Variants in DMTN observed in about 807,000 individuals in gnomAD.
DMTN encodes dematin.
In DMTN, 27 loss-of-function variants were observed where a neutral mutation model predicts 59.4. The observed-to-expected ratio is 0.45, with a 90% CI of 0.33 to 0.63. The LOEUF is 0.63. DMTN is among the 20% of genes least tolerant of loss of function. The pLI is 0.02. For synonymous variants in DMTN, 221 were observed against 203.7 expected (o/e 1.08, Z -0.72); for missense variants, 451 against 528.9 (o/e 0.85, Z 1.45).
intron 14 of DMTN, 21 bp from the exon 15 acceptor site, chr8:22,081,092 T>TTGGGGGGGGGGG: frequency 6.5e-7 from 1 of 1,547,316 alleles, no homozygotes; most frequent in South Asian, 1.1e-5. Flanking sequence ...AGCCTAAGAT[T>TTGGGGGGGGGGG]GCCCCTCCCC....
In DMTN at chr8:22,073,729, G is replaced by A; in HGVS notation, c.730-1G>A. Reference sequence around the variant, plus strand: ...CTCCATCTTCCTTTCTCCCTCCTCAGGTTACTTCCAACTTGGGAAAGATGA... The same window carrying A: ...CTCCATCTTCCTTTCTCCCTCCTCAAGTTACTTCCAACTTGGGAAAGATGA... On this transcript the variant is annotated splice_acceptor_variant, in intron 9 of 15. Transcript: ENST00000358242. LOFTEE classifies it high-confidence loss of function. 6.2e-7 allele frequency: 1 copy of A among 1,611,618 alleles called. No individual in the cohort carries two copies. The highest frequency in any genetic ancestry group is 8.5e-7 in the Non-Finnish European group (1 of 1,178,174).
In DMTN at chr8:22,072,508, A is replaced by G. The variant is rs1199055473; in HGVS notation, c.729+58A>G. 1.5e-4 allele frequency: 224 copies of G among 1,482,768 alleles called. 2 individuals are homozygous for G. The highest frequency in any genetic ancestry group is 1.0e-5 in the Non-Finnish European group (11 of 1,103,364). 91.9% of individuals were successfully genotyped at this position (1,482,768 alleles called of 1,614,324 possible). On this transcript the variant is annotated intron_variant, in intron 9 of 15. Coordinates refer to ENST00000358242, the MANE Select transcript of DMTN (RefSeq NM_001387751.1). ...GTGCAGGAGTCTCGCTCTGTTGCCC[A>G]GGCTGGCATGCAGTGGCATGATCTC...
At chr8:22,052,362 A>C (rs577559443), upstream of DMTN, among the ~76,000 whole-genome samples, 155 of 152,362 alleles carry the variant, frequency 1.0e-3, no homozygotes, top group Middle Eastern at 6.8e-3. Flanking sequence ...TTGAAGCCCT[A>C]GAAAGAAGTC....
intron 4 of DMTN, among the ~76,000 whole-genome samples, 177 bp downstream of exon 4, chr8:22,067,859 C>T (rs758374536): frequency 3.9e-5 from 6 of 152,212 alleles, no homozygotes; most frequent in Non-Finnish European, 7.3e-5. Flanking sequence ...GCAGGCAGAA[C>T]GGTCTCTGGG....
chr8:22,074,180 C>T (rs574920296), intron 10 of DMTN, among the ~76,000 whole-genome samples: 57 of 152,252 alleles, frequency 3.7e-4, no homozygotes, highest in Non-Finnish European at 6.6e-4. Context: ...GCAGTGTGGC[C>T]GGTATTGTGA....
chr8:22,060,156 T>A lies in DMTN; in HGVS notation c.-172+3020T>A, dbSNP rs940870035. ...CTCTGTGGTGCTCTCTCTTCCTCCC[T>A]CCCTCCCCTCTTCCTGCTGCAGCTC... On this transcript the variant is annotated intron_variant, in intron 1 of 15. Coordinates refer to ENST00000358242, the MANE Select transcript of DMTN (RefSeq NM_001387751.1). This position sits in a 1 kb window ranked among gnomAD's most constrained non-coding sequence, Gnocchi z 5.0. Among the ~76,000 whole-genome samples, 2 of 152,062 alleles carry A rather than the reference T, an allele frequency of 1.3e-5. No homozygotes were observed. Among genetic ancestry groups the A allele is most frequent in the African/African-American group, 2.4e-5 (1 of 41,384 alleles).
rs1472809903 is a variant in DMTN, at chr8:22,081,792, C to G, written c.*329C>G. ...GAATGAGGGGCATTGGTGGTTAGGC[C>G]GGTTGGCTGTCTTGAACAGCTGGAG... On this transcript the variant is annotated 3_prime_UTR_variant, in exon 16 of 16. Transcript: ENST00000358242. 1 of 502,568 alleles carries G rather than the reference C, an allele frequency of 2.0e-6. No individual in the cohort carries two copies. Among genetic ancestry groups the G allele is most frequent in the African/African-American group, 1.9e-5 (1 of 52,092 alleles). 31.1% of individuals were successfully genotyped at this position (502,568 alleles called of 1,614,324 possible). A position where few individuals can be genotyped will look rare whatever the true frequency, so the allele number is the denominator to read the frequency against.
At chr8:22,067,254 C>T in intron 3 of DMTN, 95 bp downstream of exon 3, 1 of 1,386,716 alleles carries the variant, frequency 7.2e-7, no homozygotes, top group Admixed American at 2.3e-5. Context: ...AGAGCCTCCC[C>T]AGTGGTGGTC....
upstream of DMTN, among the ~76,000 whole-genome samples, chr8:22,051,952 C>T (rs1259526318): frequency 6.6e-6 from 1 of 152,228 alleles, no homozygotes; most frequent in African/African-American, 2.4e-5. Context: ...CCTATTCGGC[C>T]CTAGCCCCAC....
At chr8:22,051,028 C>T (rs1801300192), upstream of DMTN, among the ~76,000 whole-genome samples, 1 of 152,192 alleles carries the variant, frequency 6.6e-6, no homozygotes, top group African/African-American at 2.4e-5. Flanking sequence ...AGGAAGGAGA[C>T]TTCCCCCAGG....
Position 22,081,101 on chromosome 8 carries a change from C to A in DMTN, c.1024-12C>A. The A allele has an allele frequency of 4.0e-6, 3 of 751,298 alleles. No homozygotes were observed. Among genetic ancestry groups the A allele is most frequent in the Non-Finnish European group, 6.7e-6 (3 of 450,376 alleles). The allele number at this position is 751,298 out of a possible 1,614,324, so 46.5% of individuals were successfully genotyped here. On this transcript the variant is annotated splice_polypyrimidine_tract_variant and intron_variant, in intron 14 of 15. Transcript: ENST00000358242. ...TCTGTGAGCCTAAGATTGCCCCTCC[C>A]CCCACCCCCAGATCTATCCCTATGA...
rs187472057 is a variant in DMTN, at chr8:22,075,013, C to G, written c.835+1178C>G. Among the ~76,000 whole-genome samples, 118 of 152,012 alleles carry G rather than the reference C, an allele frequency of 7.8e-4. No individual in the cohort carries two copies. In the East Asian group the frequency reaches 9.8e-3, roughly 13 times the overall value. On this transcript the variant is annotated intron_variant, in intron 10 of 15. Coordinates refer to ENST00000358242, the MANE Select transcript of DMTN (RefSeq NM_001387751.1). ...ACCAGCCTGACCAATATGGTAAAAC[C>G]CCGTCTCTCCTAAAAATACAAAAAT...
intron 10 of DMTN, among the ~76,000 whole-genome samples, chr8:22,076,042 A>C (rs1189420573): frequency 6.6e-6 from 1 of 152,118 alleles, no homozygotes; most frequent in Non-Finnish European, 1.5e-5. Context: ...TGGACGTGGG[A>C]GGTGCAAGAG....
At chr8:22,050,671 C>T (rs755816991), upstream of DMTN, among the ~76,000 whole-genome samples, 4 of 152,096 alleles carry the variant, frequency 2.6e-5, no homozygotes, top group Non-Finnish European at 5.9e-5. Flanking sequence ...GAGGGAGGGC[C>T]GCTCCAGAGG....
upstream of DMTN, among the ~76,000 whole-genome samples, chr8:22,049,888 G>A (rs1488506532): frequency 1.3e-5 from 2 of 152,196 alleles, no homozygotes; most frequent in Admixed American, 1.3e-4. Context: ...GAGAGAGGAA[G>A]TGGGGAAGGG....
rs1451220605 is a variant in DMTN, at chr8:22,081,809, C to T, written c.*346C>T. The T allele has an allele frequency of 2.0e-6, 1 of 488,358 alleles. No homozygotes were observed. Among genetic ancestry groups the T allele is most frequent in the Non-Finnish European group, 4.0e-6 (1 of 248,290 alleles). 30.3% of individuals were successfully genotyped at this position (488,358 alleles called of 1,614,324 possible). A position where few individuals can be genotyped will look rare whatever the true frequency, so the allele number is the denominator to read the frequency against. On this transcript the variant is annotated 3_prime_UTR_variant, in exon 16 of 16. Coordinates refer to ENST00000358242, the MANE Select transcript of DMTN (RefSeq NM_001387751.1). ...GGTTAGGCCGGTTGGCTGTCTTGAACAGCTGGAGGGAAGATGCAGGGGTGG... is the reference window on the plus strand; with the variant it reads ...GGTTAGGCCGGTTGGCTGTCTTGAATAGCTGGAGGGAAGATGCAGGGGTGG...
At chr8:22,079,882 G>A (rs916475721) in intron 10 of DMTN, among the ~76,000 whole-genome samples, 1 of 152,002 alleles carries the variant, frequency 6.6e-6, no homozygotes, top group Non-Finnish European at 1.5e-5. Flanking sequence ...TTTATGATGT[G>A]AGCCTTGGCT....
In DMTN at chr8:22,082,343, C is replaced by A; in HGVS notation, c.*880C>A. ...CAGCTGCTTTCCTCACCTGCCCCTG[C>A]CCTACCTTACACCCCCAGCTTGACT... On this transcript the variant is annotated 3_prime_UTR_variant, in exon 16 of 16. Transcript: ENST00000358242. 1 of 415,676 alleles carries A rather than the reference C, an allele frequency of 2.4e-6. No homozygotes were observed. The highest frequency in any genetic ancestry group is 4.9e-6 in the Non-Finnish European group (1 of 204,454). The allele number at this position is 415,676 out of a possible 1,614,324, so 25.7% of individuals were successfully genotyped here. A position where few individuals can be genotyped will look rare whatever the true frequency, so the allele number is the denominator to read the frequency against.
At chr8:22,080,991 G>A in intron 14 of DMTN, 121 bp downstream of exon 14, 1 of 1,484,672 alleles carries the variant, frequency 6.7e-7, no homozygotes, top group Non-Finnish European at 9.2e-7. Context: ...AGGGAAGTTG[G>A]GGGAGACAGA....
Sources: gnomAD v4.1 joint callset for allele counts (sites outside exome capture counted in the v4.1 genomes callset) on GRCh38, gnomAD v4.1.1 for gene constraint, Gnocchi (gnomAD v3.1) non-coding constraint, MANE v1.5 for transcripts, NCBI Gene and HGNC (gene_info 2026-07-23, HGNC 2026-07-21) for gene names.